The following XKR5 variants were observed in gnomAD, a reference collection of about 807,000 sequenced individuals.
XKR5 encodes XK related 5.
In XKR5, 46 loss-of-function variants were observed where a neutral mutation model predicts 40.8. The ratio of observed to expected loss-of-function variants is 1.13; its 90% confidence interval spans 0.89 to 1.44. XKR5 has a LOEUF of 1.44. Among genes scored for constraint, XKR5 ranks in the 40% most tolerant of loss-of-function variants. XKR5 has a pLI of 0.00. For synonymous variants in XKR5, 466 were observed against 356.1 expected (o/e 1.31, Z -3.48); for missense variants, 1,169 against 844.7 (o/e 1.38, Z -4.76).
rs760916456 is a variant in XKR5, at chr8:6,832,762, C to A, written c.197G>T (p.Cys66Phe). The change falls in exon 2 of 7, where the codon TGC becomes TTC. Residue 66 changes from cysteine to phenylalanine, a missense_variant. Transcript: ENST00000618742. ...TAGGAGGTGCAGCATCATCAAGGAG[C>A]AATGCCCTGGATGCCCGTCTGCTCG... Reference protein sequence around the residue: ...WFRADGHPGHCSLMMLHLLQL... With the variant: ...WFRADGHPGHFSLMMLHLLQL... 2 of 1,613,442 alleles carry A rather than the reference C, an allele frequency of 1.2e-6. No homozygotes were observed. The highest frequency in any genetic ancestry group is 1.1e-5 in the South Asian group (1 of 90,896).
intron 2 of XKR5, 68 bp from the exon 3 acceptor site, chr8:6,825,417 A>T: frequency 7.1e-7 from 1 of 1,411,302 alleles, no homozygotes; most frequent in Non-Finnish European, 9.4e-7. Flanking sequence ...ACGAGCTTTC[A>T]TTTAGAGACA....
chr8:6,811,489 G>C lies in XKR5; in HGVS notation c.1770C>G (p.Pro590=), dbSNP rs1423685434. Residue 590 remains proline (P), a synonymous_variant, in exon 7 of 7, where the codon CCC becomes CCG. Coordinates refer to ENST00000618742, the MANE Select transcript of XKR5 (RefSeq NM_207411.5). ...PASPHPVGLA[P]FPDTMADISP... is the part of the protein sequence containing the mutation. ...TAATGTCGGCCATGGTGTCGGGGAA[G>C]GGCGCCAAGCCCACTGGGTGGGGCG... is the stretch of plus-strand genomic sequence containing the variant. 1 of 1,528,188 alleles carries C rather than the reference G, an allele frequency of 6.5e-7. No individual in the cohort carries two copies. The highest frequency in any genetic ancestry group is 1.2e-5 in the South Asian group (1 of 82,432). The allele number at this position is 1,528,188 out of a possible 1,614,324, so 94.7% of individuals were successfully genotyped here.
chr8:6,819,426 G>C (rs1804122560), intron 5 of XKR5, among the ~76,000 whole-genome samples: 1 of 152,232 alleles, frequency 6.6e-6, no homozygotes, highest in Non-Finnish European at 1.5e-5. Context: ...CACAGTCTGG[G>C]CATTTCTAAC....
At chr8:6,833,945 G>C (rs1804883149) in intron 1 of XKR5, among the ~76,000 whole-genome samples, 1 of 152,198 alleles carries the variant, frequency 6.6e-6, no homozygotes, top group African/African-American at 2.4e-5. Flanking sequence ...TTGTTTGCTT[G>C]TTTGTTTTTG....
intron 6 of XKR5, 40 bp downstream of exon 6, chr8:6,815,767 G>T: frequency 2.1e-6 from 3 of 1,400,002 alleles, no homozygotes; most frequent in South Asian, 1.3e-5. Flanking sequence ...AAAATACGTT[G>T]GGGAGGGGAT....
intron 4 of XKR5, among the ~76,000 whole-genome samples, chr8:6,822,854 G>A (rs1804301867): frequency 6.6e-6 from 1 of 152,222 alleles, no homozygotes; most frequent in African/African-American, 2.4e-5. Flanking sequence ...ATTTGCAACA[G>A]AGGAGATGTC....
At chr8:6,833,862 G>A (rs1014291424) in intron 1 of XKR5, among the ~76,000 whole-genome samples, 3 of 152,216 alleles carry the variant, frequency 2.0e-5, no homozygotes, top group Non-Finnish European at 4.4e-5. Context: ...CAGAGCTGTT[G>A]GGCAATATAC....
Position 6,825,295 on chromosome 8 carries a change from T to A in XKR5, c.297A>T (p.Arg99=). The change falls in exon 3 of 7, where the codon CGA becomes CGT. Residue 99 remains arginine, a synonymous_variant. Coordinates refer to ENST00000618742, the MANE Select transcript of XKR5 (RefSeq NM_207411.5). Reference sequence around the variant, plus strand: ...CGGCCTCCTGCAGCTGCAGCCAGCCTCGGTGGGGAGCCTCCAGTTCCTTCT... The same window carrying A: ...CGGCCTCCTGCAGCTGCAGCCAGCCACGGTGGGGAGCCTCCAGTTCCTTCT... ...SLQKELEAPH[R]GWLQLQEADL... 1 of 1,609,034 alleles carries A rather than the reference T, an allele frequency of 6.2e-7. No individual in the cohort carries two copies. Among genetic ancestry groups the A allele is most frequent in the Non-Finnish European group, 8.5e-7 (1 of 1,178,136 alleles).
In XKR5 at chr8:6,815,928, C is replaced by A; in HGVS notation, c.808-10G>T. On this transcript the variant is annotated splice_polypyrimidine_tract_variant and intron_variant, in intron 5 of 6. Coordinates refer to ENST00000618742, the MANE Select transcript of XKR5 (RefSeq NM_207411.5). ...TCTCCAACAGCATGACCTGCGGGAC[C>A]CAGGACAGAGGCACCACACCTCGTC... 6.3e-7 allele frequency: 1 copy of A among 1,584,476 alleles called. No individual in the cohort carries two copies. The highest frequency in any genetic ancestry group is 8.6e-7 in the Non-Finnish European group (1 of 1,164,442).
In XKR5 at chr8:6,814,681, T is replaced by A. The variant is rs573797559; in HGVS notation, c.919+1126A>T. ...ACTACAATTATCTAAAAAGTTTGAT[T>A]TGAAAAAGAAGGGGTTGTCTCAGCT... On this transcript the variant is annotated intron_variant, in intron 6 of 6. Transcript: ENST00000618742. Among the ~76,000 whole-genome samples, 4 of 152,266 alleles carry A rather than the reference T, an allele frequency of 2.6e-5. No individual in the cohort carries two copies. The South Asian group carries it at 8.3e-4, about 32-fold the overall frequency.
rs1445616777 is a variant in XKR5, at chr8:6,812,080, A to T, written c.1179T>A (p.Val393=). The T allele has an allele frequency of 2.6e-6, 4 of 1,542,372 alleles. No individual in the cohort carries two copies. Among genetic ancestry groups the T allele is most frequent in the Non-Finnish European group, 3.5e-6 (4 of 1,146,956 alleles). The change falls in exon 7 of 7, where the codon GTT becomes GTA. Residue 393 remains valine, a synonymous_variant. Coordinates refer to ENST00000618742, the MANE Select transcript of XKR5 (RefSeq NM_207411.5). ...VPPEAGLGTQ[V]AVEDSFLSHH... is the part of the protein sequence containing the mutation. ...GACTGAGGAAAGAGTCCTCCACAGC[A>T]ACCTGGGTCCCCAGCCCAGCCTCTG... is the stretch of plus-strand genomic sequence containing the variant.
chr8:6,817,292 C>G (rs1378945989), intron 5 of XKR5, among the ~76,000 whole-genome samples: 1 of 152,190 alleles, frequency 6.6e-6, no homozygotes, highest in African/African-American at 2.4e-5. Context: ...GTCCCTACTT[C>G]TCAACAGAGC....
At position 6,813,684 on chromosome 8, in the gene XKR5, G is replaced by A. The variant is rs150951601; in HGVS notation, c.920-1345C>T. Among the ~76,000 whole-genome samples, 546 of 152,330 alleles carry A rather than the reference G, an allele frequency of 3.6e-3. 2 individuals are homozygous for A. The highest frequency in any genetic ancestry group is 9.5e-3 in the Admixed American group (145 of 15,302). On this transcript the variant is annotated intron_variant, in intron 6 of 6. Coordinates refer to ENST00000618742, the MANE Select transcript of XKR5 (RefSeq NM_207411.5). ...GAGCGGCAGACAAGGCTCTGAGCCG[G>A]TGGCCACCTGGGTGCTGAGTGCTGC...
intron 2 of XKR5, among the ~76,000 whole-genome samples, 179 bp from the exon 3 acceptor site, chr8:6,825,528 T>C (rs1804424924): frequency 6.6e-6 from 1 of 151,416 alleles, no homozygotes; most frequent in South Asian, 2.1e-4. Context: ...GTCACTTCTA[T>C]GTAAGTTCCC....
chr8:6,814,123 T>A (rs1366380002), intron 6 of XKR5, among the ~76,000 whole-genome samples: 2 of 152,108 alleles, frequency 1.3e-5, no homozygotes, highest in African/African-American at 4.8e-5. Context: ...GTGGTGAGAG[T>A]GGTGCTTCTC....
intron 2 of XKR5, among the ~76,000 whole-genome samples, chr8:6,829,619 G>A (rs1804666389): frequency 6.6e-6 from 1 of 152,128 alleles, no homozygotes; most frequent in Admixed American, 6.5e-5. Flanking sequence ...AGGTTCAAGC[G>A]ATTCTCATGC....
At chr8:6,813,758 C>G (rs1803840604) in intron 6 of XKR5, among the ~76,000 whole-genome samples, 1 of 152,230 alleles carries the variant, frequency 6.6e-6, no homozygotes, top group Non-Finnish European at 1.5e-5. Flanking sequence ...GGACTCCCTA[C>G]TCACTGCCCT....
intron 5 of XKR5, among the ~76,000 whole-genome samples, chr8:6,820,219 C>T (rs1197359582): frequency 6.6e-6 from 1 of 152,262 alleles, no homozygotes; most frequent in Non-Finnish European, 1.5e-5. Flanking sequence ...CTAGGACTGC[C>T]CGGCCTGGAT....
chr8:6,833,978 AG>A (rs1804884741), intron 1 of XKR5, among the ~76,000 whole-genome samples: 1 of 152,122 alleles, frequency 6.6e-6, no homozygotes, highest in African/African-American at 2.4e-5. Context: ...CAGTGGAGAG[AG>A]AATGTGCACT....
Sources: gnomAD v4.1 joint callset for allele counts (sites outside exome capture counted in the v4.1 genomes callset) on GRCh38, gnomAD v4.1.1 for gene constraint, MANE v1.5 for transcripts, NCBI Gene and HGNC (gene_info 2026-07-23, HGNC 2026-07-21) for gene names.